Variants in CNTN4 observed in about 807,000 individuals in gnomAD.
CNTN4 encodes contactin-4.
Under a neutral mutation model 122.5 loss-of-function variants are expected in CNTN4, and 77 were observed. The observed-to-expected ratio is 0.63, with a 90% CI of 0.52 to 0.76. CNTN4 has a LOEUF of 0.76. Ranked by LOEUF, CNTN4 falls within the 30% of genes least tolerant of loss-of-function variation. CNTN4 has a pLI of 0.00. For synonymous variants in CNTN4, 512 were observed against 447.0 expected (o/e 1.15, Z -1.83); for missense variants, 1,256 against 1,259.1 (o/e 1.00, Z 0.04).
At chr3:2,436,675 A>G (rs1249942454) in intron 3 of CNTN4, among the ~76,000 whole-genome samples, 2 of 151,890 alleles carry the variant, frequency 1.3e-5, no homozygotes, top group Admixed American at 1.3e-4. Context: ...GCTATTTTAT[A>G]TATATTCATT....
intron 2 of CNTN4, among the ~76,000 whole-genome samples, chr3:2,131,659 CT>C (rs1485862513): frequency 2.0e-5 from 3 of 152,176 alleles, no homozygotes; most frequent in African/African-American, 7.2e-5. Context: ...AAAATGTCCA[CT>C]GTATGGATGA....
At chr3:2,897,106 A>G (rs1306032012) in intron 10 of CNTN4, among the ~76,000 whole-genome samples, 1 of 152,190 alleles carries the variant, frequency 6.6e-6, no homozygotes, top group Non-Finnish European at 1.5e-5. Context: ...TCTGCCTGCA[A>G]TATAAATTAT....
intron 7 of CNTN4, among the ~76,000 whole-genome samples, chr3:2,820,778 A>G (rs2092846530): frequency 6.6e-6 from 1 of 151,874 alleles, no homozygotes; most frequent in Non-Finnish European, 1.5e-5. Flanking sequence ...TATATTTCTT[A>G]TTAATCACAG....
chr3:2,234,590 G>A (rs2149567548), intron 2 of CNTN4, among the ~76,000 whole-genome samples: 1 of 152,180 alleles, frequency 6.6e-6, no homozygotes, highest in African/African-American at 2.4e-5. Flanking sequence ...TATGAAACTA[G>A]CAGGATTGGG....
At chr3:2,715,516 T>C (rs1215661782) in intron 4 of CNTN4, among the ~76,000 whole-genome samples, 1 of 152,214 alleles carries the variant, frequency 6.6e-6, no homozygotes, top group Non-Finnish European at 1.5e-5. Flanking sequence ...CTTACAAAAT[T>C]GTTTTAAGGA....
At chr3:3,040,868 G>A (rs557700909) in intron 20 of CNTN4, among the ~76,000 whole-genome samples, 10 of 151,808 alleles carry the variant, frequency 6.6e-5, no homozygotes, top group African/African-American at 1.9e-4. Context: ...CGGAGGTTGC[G>A]GTGAGCCGAG....
intron 5 of CNTN4, among the ~76,000 whole-genome samples, chr3:2,742,623 C>T (rs992212180): frequency 6.6e-5 from 10 of 152,164 alleles, no homozygotes; most frequent in Middle Eastern, 3.4e-3. Flanking sequence ...GTCACAGCAT[C>T]GGTGTTTGGT....
chr3:2,889,448 T>C (rs6782703), intron 10 of CNTN4, among the ~76,000 whole-genome samples: 4,530 of 152,250 alleles, frequency 0.03, 216 homozygotes, highest in African/African-American at 0.1. Context: ...AGTTGATGGG[T>C]TGTAAAGCAA....
At chr3:2,120,382 T>A (rs1423136108) in intron 2 of CNTN4, among the ~76,000 whole-genome samples, 35 of 27,308 alleles carry the variant, frequency 1.3e-3, no homozygotes, top group African/African-American at 3.1e-3. Flanking sequence ...TAAATATATA[T>A]ATATATATAT....
chr3:2,567,688 C>G (rs945133236), intron 3 of CNTN4, among the ~76,000 whole-genome samples: 12 of 152,164 alleles, frequency 7.9e-5, no homozygotes, highest in African/African-American at 2.9e-4. Context: ...ATTCTGCAGT[C>G]TACGCTTTTC....
At chr3:2,926,464 C>G (rs528755671) in intron 13 of CNTN4, among the ~76,000 whole-genome samples, 2 of 152,052 alleles carry the variant, frequency 1.3e-5, no homozygotes, top group East Asian at 3.8e-4. Flanking sequence ...TCTCTAAGAC[C>G]TTTTCTTGGC....
chr3:2,186,701 A>T (rs2037284828), intron 2 of CNTN4, among the ~76,000 whole-genome samples: 1 of 152,044 alleles, frequency 6.6e-6, no homozygotes, highest in Non-Finnish European at 1.5e-5. Flanking sequence ...GCATTTTTTC[A>T]TGTGTCTGTT....
chr3:2,538,124 A>G (rs2077882058), intron 3 of CNTN4, among the ~76,000 whole-genome samples: 1 of 152,064 alleles, frequency 6.6e-6, no homozygotes, highest in African/African-American at 2.4e-5. Flanking sequence ...AAAGGGGGAA[A>G]TTTGGACACA....
At chr3:2,575,808 T>C (rs1412000154) in intron 4 of CNTN4, among the ~76,000 whole-genome samples, 2 of 89,552 alleles carry the variant, frequency 2.2e-5, no homozygotes, top group Non-Finnish European at 3.8e-5. Context: ...TTCTTCTTCT[T>C]CTTTTTTTTT....
At chr3:2,165,537 C>T (rs2036158451) in intron 2 of CNTN4, among the ~76,000 whole-genome samples, 1 of 152,102 alleles carries the variant, frequency 6.6e-6, no homozygotes, top group Non-Finnish European at 1.5e-5. Flanking sequence ...GGTGAGAATA[C>T]TTAAGACGTA....
At position 2,482,431 on chromosome 3, in the gene CNTN4, GA is replaced by G. The variant is rs376965633; in HGVS notation, c.-88-88974del. On this transcript the variant is annotated intron_variant, in intron 3 of 24. Coordinates refer to ENST00000418658, the MANE Select transcript of CNTN4 (RefSeq NM_175607.3). ...AAATTTGCAGCCTGATGATGTGATA[GA>G]AAAAAAAAAACCATTTTCTGGGGAG... Among the ~76,000 whole-genome samples, 161 of 144,368 alleles carry G rather than the reference GA, an allele frequency of 1.1e-3. 2 individuals are homozygous for G. Among genetic ancestry groups the G allele is most frequent in the Middle Eastern group, 3.6e-3 (1 of 280 alleles). The allele number at this position is 144,368 out of a possible 152,430, so 94.7% of individuals were successfully genotyped here. A position where few individuals can be genotyped will look rare whatever the true frequency, so the allele number is the denominator to read the frequency against.
chr3:2,933,401 G>A (rs191086881), intron 13 of CNTN4, among the ~76,000 whole-genome samples: 46 of 152,250 alleles, frequency 3.0e-4, no homozygotes, highest in African/African-American at 1.1e-3. Context: ...TGTGACGCAG[G>A]CCATCTGGGG....
chr3:2,706,552 G>T (rs929268061), intron 4 of CNTN4, among the ~76,000 whole-genome samples: 1 of 152,104 alleles, frequency 6.6e-6, no homozygotes, highest in African/African-American at 2.4e-5. Context: ...CACACTTTAT[G>T]TAATATTGGG....
intron 14 of CNTN4, among the ~76,000 whole-genome samples, chr3:3,013,836 TCACTCTTG>T (rs1353208207): frequency 6.6e-6 from 1 of 152,132 alleles, no homozygotes; most frequent in African/African-American, 2.4e-5. Flanking sequence ...CAAACTCTGT[TCACTCTTG>T]CACTGCAGCC....
Sources: gnomAD v4.1 joint callset for allele counts (sites outside exome capture counted in the v4.1 genomes callset) on GRCh38, gnomAD v4.1.1 for gene constraint, MANE v1.5 for transcripts, NCBI Gene and HGNC (gene_info 2026-07-23, HGNC 2026-07-21) for gene names.